Variants in PIEZO2 observed in about 807,000 individuals in gnomAD.
PIEZO2 encodes piezo type mechanosensitive ion channel component 2, also known as piezo-type mechanosensitive ion channel component 2.
A neutral mutation model predicts 337.3 loss-of-function variants in PIEZO2; 172 were observed. The ratio of observed to expected loss-of-function variants is 0.51; its 90% confidence interval spans 0.45 to 0.58. The LOEUF (loss-of-function observed/expected upper bound fraction) is 0.58, where lower values mean the gene tolerates loss of function less well. PIEZO2 is among the 20% of genes least tolerant of loss of function. The pLI, the probability that PIEZO2 is intolerant of heterozygous loss-of-function variation, is 0.00. For missense variants in PIEZO2, 3,028 were observed against 3,391.3 expected, an observed-to-expected ratio of 0.89 and a Z score of 2.66; for synonymous variants, 1,251 against 1,228.5, an observed-to-expected ratio of 1.02 and a Z score of -0.38.
At chr18:10,890,789 T>TC (rs2042733269) in intron 4 of PIEZO2, 1 of 152,090 alleles carries the variant, frequency 6.6e-6, no homozygotes, top group African/African-American at 2.4e-5. Flanking sequence ...AAACTTCTAA[T>TC]TCGCTTCTGA....
intron 9 of PIEZO2, among the ~76,000 whole-genome samples, chr18:10,802,024 T>C (rs2039836649): frequency 7.0e-6 from 1 of 142,474 alleles, no homozygotes; most frequent in Non-Finnish European, 1.5e-5. Flanking sequence ...AGGCGGAGCT[T>C]GCAGTGAGCC....
intron 7 of PIEZO2, among the ~76,000 whole-genome samples, chr18:10,851,818 G>A (rs1380528608): frequency 6.6e-6 from 1 of 152,020 alleles, no homozygotes; most frequent in African/African-American, 2.4e-5. Flanking sequence ...CTGTGACAAA[G>A]AGCATATGGT....
intron 3 of PIEZO2, among the ~76,000 whole-genome samples, chr18:10,956,407 A>G (rs1014306130): frequency 6.6e-6 from 1 of 152,222 alleles, no homozygotes; most frequent in Non-Finnish European, 1.5e-5. Context: ...AAAATATCCA[A>G]TGTTCATGGA....
intron 48 of PIEZO2, 32 bp downstream of exon 48, chr18:10,691,193 A>G (rs749299216): frequency 2.1e-5 from 33 of 1,603,816 alleles, no homozygotes; most frequent in Non-Finnish European, 2.6e-5. Flanking sequence ...TTCTTCCCCC[A>G]TAAGTGACTG....
In PIEZO2 at chr18:11,126,383, G is replaced by A. The variant is rs965706155; in HGVS notation, c.64+22142C>T. ...CTCATTGCACTGCGCCAGCCTGAGC[G>A]CCCATGGCCACAGTGATGACTGTTC... On this transcript the variant is annotated intron_variant, in intron 1 of 55. Transcript: ENST00000674853. This position sits in a 1 kb window ranked among gnomAD's most constrained non-coding sequence, Gnocchi z 4.6. Among the ~76,000 whole-genome samples the A allele has an allele frequency of 1.3e-5, 2 of 152,064 alleles. No homozygotes were observed. The highest frequency in any genetic ancestry group is 1.9e-4 in the East Asian group (1 of 5,180).
At chr18:11,008,481 C>T (rs2035793189) in intron 2 of PIEZO2, among the ~76,000 whole-genome samples, 1 of 152,172 alleles carries the variant, frequency 6.6e-6, no homozygotes, top group South Asian at 2.1e-4. Context: ...AACGACTTTC[C>T]CAGTTCCCAG....
Position 11,129,889 on chromosome 18 carries a change from G to A in PIEZO2, c.64+18636C>T, listed in dbSNP as rs1029566641. On this transcript the variant is annotated intron_variant, in intron 1 of 55. Transcript: ENST00000674853. This position sits in a 1 kb window ranked among gnomAD's most constrained non-coding sequence, Gnocchi z 4.6. The stretch of plus-strand genomic sequence containing the variant: ...TTTTAGCTCAGGGCTGACTTACAGT[G>A]GATCCAGTGGGTCCCCAGCCTCATC... Among the ~76,000 whole-genome samples the A allele has an allele frequency of 6.6e-6, 1 of 152,142 alleles. No individual in the cohort carries two copies. The highest frequency in any genetic ancestry group is 2.1e-4 in the South Asian group (1 of 4,820).
rs1188486551 is a variant in PIEZO2 at position 11,148,228 on chromosome 18, T to C, written c.64+297A>G. ...CGCCTTCCAGCCACAGCAATGGCCA[T>C]CCTTAGTACACAAGTCAGTACTCCA... On this transcript the variant is annotated intron_variant, in intron 1 of 55. Transcript: ENST00000674853. This position sits in a 1 kb window ranked among gnomAD's most constrained non-coding sequence, Gnocchi z 5.2. Among the ~76,000 whole-genome samples, 1 of 152,146 alleles carries C rather than the reference T, an allele frequency of 6.6e-6. No individual in the cohort carries two copies. Among genetic ancestry groups the C allele is most frequent in the Non-Finnish European group, 1.5e-5 (1 of 68,034 alleles).
At position 10,717,073 on chromosome 18, in the gene PIEZO2, C is replaced by A. The variant is rs180980509; in HGVS notation, c.5089+1127G>T. On this transcript the variant is annotated intron_variant, in intron 37 of 55. Transcript: ENST00000674853. Reference sequence around the variant, plus strand: ...ACTCTGGATTCAGACTCCTTGGGTTCAAATCCCAACTCTACTCTTTAGTGG... The same window carrying A: ...ACTCTGGATTCAGACTCCTTGGGTTAAAATCCCAACTCTACTCTTTAGTGG... 5.5e-3 allele frequency among the ~76,000 whole-genome samples: 835 copies of A among 152,304 alleles called. 4 individuals are homozygous for A. Among genetic ancestry groups the A allele is most frequent in the Middle Eastern group, 0.02 (6 of 294 alleles).
chr18:10,788,004 A>G (rs1214013361), intron 15 of PIEZO2, among the ~76,000 whole-genome samples: 2 of 152,242 alleles, frequency 1.3e-5, no homozygotes, highest in Non-Finnish European at 2.9e-5. Flanking sequence ...CATGCCACAC[A>G]TATATCTTTT....
chr18:10,674,029 T>C (rs572411481), intron 54 of PIEZO2, among the ~76,000 whole-genome samples: 2 of 152,290 alleles, frequency 1.3e-5, no homozygotes, highest in East Asian at 3.9e-4. Flanking sequence ...AAGCTTGTCC[T>C]AGATGGTAGG....
In PIEZO2 at chr18:11,111,523, C is replaced by T. The variant is rs1447275264; in HGVS notation, c.64+37002G>A. Among the ~76,000 whole-genome samples, 1 of 152,206 alleles carries T rather than the reference C, an allele frequency of 6.6e-6. No individual in the cohort carries two copies. The highest frequency in any genetic ancestry group is 1.9e-4 in the East Asian group (1 of 5,192). ...TGCACCACCCAGTGGCCAGGGCCCTCCAAATCTGTGATGCCGTGGCCATTC... is the reference window on the plus strand; with the variant it reads ...TGCACCACCCAGTGGCCAGGGCCCTTCAAATCTGTGATGCCGTGGCCATTC... On this transcript the variant is annotated intron_variant, in intron 1 of 55. Coordinates refer to ENST00000674853, the MANE Select transcript of PIEZO2 (RefSeq NM_001378183.1). The surrounding 1 kb of genome is among the most constrained non-coding windows in gnomAD (Gnocchi z 6.2).
Position 10,716,011 on chromosome 18 carries a change from C to G in PIEZO2, c.5090-195G>C, listed in dbSNP as rs781430948. Among the ~76,000 whole-genome samples, 1 of 152,178 alleles carries G rather than the reference C, an allele frequency of 6.6e-6. No homozygotes were observed. Among genetic ancestry groups the G allele is most frequent in the African/African-American group, 2.4e-5 (1 of 41,444 alleles). ...AAGCTTTTGTGGGGCTTTGCACACA[C>G]GCAGTGGCAGACCAAATCAGGATAG... On this transcript the variant is annotated intron_variant, in intron 37 of 55. Coordinates refer to ENST00000674853, the MANE Select transcript of PIEZO2 (RefSeq NM_001378183.1). This position sits in a 1 kb window ranked among gnomAD's most constrained non-coding sequence, Gnocchi z 4.1.
intron 7 of PIEZO2, among the ~76,000 whole-genome samples, chr18:10,844,883 T>C (rs1367783739): frequency 3.3e-5 from 5 of 151,700 alleles, no homozygotes; most frequent in Non-Finnish European, 7.4e-5. Flanking sequence ...ACAAAGTAAC[T>C]GACCAAATAA....
At chr18:11,061,464 T>C (rs1019522479) in intron 2 of PIEZO2, among the ~76,000 whole-genome samples, 2 of 151,492 alleles carry the variant, frequency 1.3e-5, no homozygotes, top group African/African-American at 4.9e-5. Flanking sequence ...GGAAGTCAAA[T>C]TGTTCCTGTT....
chr18:10,925,748 T>G (rs892751075), intron 3 of PIEZO2, among the ~76,000 whole-genome samples: 5 of 152,116 alleles, frequency 3.3e-5, no homozygotes, highest in African/African-American at 1.2e-4. Context: ...TTCGGTATTT[T>G]TAGTAGAGAC....
At chr18:10,684,545 A>G (rs1358811441) in intron 49 of PIEZO2, among the ~76,000 whole-genome samples, 1 of 148,652 alleles carries the variant, frequency 6.7e-6, no homozygotes, top group East Asian at 2.0e-4. Context: ...GCTCACTGCA[A>G]CTTCCACCAC....
intron 3 of PIEZO2, among the ~76,000 whole-genome samples, chr18:10,927,071 T>G (rs2145169182): frequency 6.6e-6 from 1 of 152,322 alleles, no homozygotes; most frequent in African/African-American, 2.4e-5. Context: ...GTTTCTGACC[T>G]GGGTCACACG....
chr18:10,706,848 G>A (rs1030477443), intron 40 of PIEZO2, among the ~76,000 whole-genome samples: 3 of 152,282 alleles, frequency 2.0e-5, no homozygotes, highest in South Asian at 2.1e-4. Context: ...TCTGAAATAC[G>A]TACTCTTATC....
Sources: gnomAD v4.1 joint callset for allele counts (sites outside exome capture counted in the v4.1 genomes callset) on GRCh38, gnomAD v4.1.1 for gene constraint, Gnocchi (gnomAD v3.1) non-coding constraint, MANE v1.5 for transcripts, NCBI Gene and HGNC (gene_info 2026-07-23, HGNC 2026-07-21) for gene names.